The following FILIP1 variants were observed in gnomAD, a reference collection of about 807,000 sequenced individuals.
The protein encoded by FILIP1 is filamin-A-interacting protein 1.
In FILIP1, 61 loss-of-function variants were observed where a neutral mutation model predicts 102.1. That is an observed-to-expected ratio of 0.60 (90% CI 0.49 to 0.74). The LOEUF is 0.74. FILIP1 is among the 30% of genes least tolerant of loss of function. The pLI is 0.00. For synonymous variants in FILIP1, 491 were observed against 526.9 expected (o/e 0.93, Z 0.93); for missense variants, 1,314 against 1,441.2 (o/e 0.91, Z 1.43).
At position 75,451,989 on chromosome 6, in the gene FILIP1, T is replaced by G. The variant is rs141747186; in HGVS notation, c.-6-37011A>C. On this transcript the variant is annotated intron_variant, in intron 1 of 5. Transcript: ENST00000237172. ...CTTCCTGTTAAATAATCCGACCAGT[T>G]GTATAAAGAGGTTTAATATTTGGAT... is the stretch of plus-strand genomic sequence containing the variant. Among the ~76,000 whole-genome samples, 483 of 152,320 alleles carry G rather than the reference T, an allele frequency of 3.2e-3. 4 individuals carry two copies. The highest frequency in any genetic ancestry group is 0.011 in the African/African-American group (455 of 41,572).
chr6:75,435,352 G>A (rs1403067875), intron 1 of FILIP1, among the ~76,000 whole-genome samples: 2 of 152,168 alleles, frequency 1.3e-5, no homozygotes, highest in Non-Finnish European at 2.9e-5. Context: ...TTCTTCAGAA[G>A]ATGATTTTAA....
rs529998158 is a variant in FILIP1, at chr6:75,330,876, T to C, written c.630-15674A>G. Among the ~76,000 whole-genome samples, 4 of 152,290 alleles carry C rather than the reference T, an allele frequency of 2.6e-5. No individual in the cohort carries two copies. In the East Asian group the frequency reaches 7.7e-4, roughly 29 times the overall value. ...TGTTGAAAATTATAAACTAAGGACC[T>C]GCATTATGGACTCTCTGTGGGTTAG... On this transcript the variant is annotated intron_variant, in intron 4 of 5. Transcript: ENST00000237172.
At chr6:75,304,785 A>G (rs1433814741), downstream of FILIP1, among the ~76,000 whole-genome samples, 1 of 152,212 alleles carries the variant, frequency 6.6e-6, no homozygotes, top group Non-Finnish European at 1.5e-5. Flanking sequence ...GTTGGAAGTG[A>G]TGTTCTCCGG....
intron 3 of FILIP1, chr6:75,358,642 G>A (rs1775080160): frequency 6.6e-6 from 1 of 152,194 alleles, no homozygotes; most frequent in Non-Finnish European, 1.5e-5. Flanking sequence ...GACATCTGAA[G>A]CATTATTTGG....
intron 2 of FILIP1, among the ~76,000 whole-genome samples, chr6:75,410,510 T>A (rs2149682868): frequency 6.6e-6 from 1 of 152,194 alleles, no homozygotes; most frequent in African/African-American, 2.4e-5. Flanking sequence ...CAACCCTTCA[T>A]CTACATTAGG....
intron 4 of FILIP1, among the ~76,000 whole-genome samples, chr6:75,347,954 A>G (rs769482971): frequency 2.0e-5 from 3 of 152,158 alleles, no homozygotes; most frequent in Non-Finnish European, 4.4e-5. Context: ...GCAATATTAT[A>G]TGATGATGTA....
intron 2 of FILIP1, among the ~76,000 whole-genome samples, chr6:75,399,818 A>G (rs1202152536): frequency 2.6e-5 from 4 of 152,198 alleles, no homozygotes; most frequent in Admixed American, 1.3e-4. Flanking sequence ...TTGTCATTTC[A>G]TATGTTATTT....
chr6:75,448,657 C>T (rs1021155129), intron 1 of FILIP1, among the ~76,000 whole-genome samples: 1 of 152,076 alleles, frequency 6.6e-6, no homozygotes, highest in African/African-American at 2.4e-5. Context: ...AAACACCAAA[C>T]AATCCCATCA....
At chr6:75,296,062 G>T in intron 6 of FILIP1, 1 of 680,952 alleles carries the variant, frequency 1.5e-6, no homozygotes, top group Non-Finnish European at 2.1e-6. Flanking sequence ...ACAAAAACAG[G>T]TACATGAGGC....
At chr6:75,344,501 G>C (rs1437822970) in intron 4 of FILIP1, among the ~76,000 whole-genome samples, 3 of 152,204 alleles carry the variant, frequency 2.0e-5, no homozygotes, top group Non-Finnish European at 4.4e-5. Context: ...AACTAAAATG[G>C]GGTCAGTTAG....
intron 1 of FILIP1, among the ~76,000 whole-genome samples, chr6:75,462,215 G>T (rs1208508517): frequency 6.6e-6 from 1 of 152,172 alleles, no homozygotes; most frequent in Non-Finnish European, 1.5e-5. Context: ...TCAGAGGTGG[G>T]ATTTTAAATA....
chr6:75,308,124 CATTA>C lies in FILIP1; in HGVS notation c.*563_*566del, dbSNP rs1416051102. ...TCATTTCCATTTTATTACATGTTCACATTATTTCCTGAAATCATCTTAGAACCTT... is the reference window on the plus strand; with the variant it reads ...TCATTTCCATTTTATTACATGTTCACTTTCCTGAAATCATCTTAGAACCTT... On this transcript the variant is annotated 3_prime_UTR_variant, in exon 6 of 6. Transcript: ENST00000237172. The C allele has an allele frequency of 5.0e-5, 49 of 985,828 alleles. No homozygotes were observed. Among genetic ancestry groups the C allele is most frequent in the Non-Finnish European group, 5.8e-5 (48 of 830,026 alleles). The allele number at this position is 985,828 out of a possible 1,614,324, so 61.1% of individuals were successfully genotyped here.
exon 7 of FILIP1, chr6:75,295,286 C>T (rs574463993): frequency 7.2e-5 from 11 of 152,222 alleles, no homozygotes; most frequent in African/African-American, 2.4e-4. Context: ...ACTTTAGAAA[C>T]TGATTTTTAG....
At chr6:75,362,192 C>T (rs1031251978) in intron 3 of FILIP1, among the ~76,000 whole-genome samples, 1 of 152,046 alleles carries the variant, frequency 6.6e-6, no homozygotes, top group Non-Finnish European at 1.5e-5. Context: ...TATGAGTAAT[C>T]GATAATAATA....
intron 4 of FILIP1, 122 bp from the exon 5 acceptor site, chr6:75,315,324 T>G (rs1773406958): frequency 1.6e-6 from 1 of 638,444 alleles, no homozygotes; most frequent in Non-Finnish European, 2.5e-6. Flanking sequence ...ATAATTTCAA[T>G]GTTTAAAGAA....
intron 1 of FILIP1, among the ~76,000 whole-genome samples, chr6:75,488,145 A>G (rs1779846983): frequency 6.6e-6 from 1 of 152,146 alleles, no homozygotes; most frequent in Non-Finnish European, 1.5e-5. Flanking sequence ...CTTTCTTTTG[A>G]TGTCTCAGTG....
chr6:75,319,776 G>A (rs1037908504), intron 4 of FILIP1: 8 of 325,978 alleles, frequency 2.5e-5, no homozygotes, highest in Admixed American at 2.3e-4. Flanking sequence ...CTTGCAGTGA[G>A]CTGAGATTGT....
intron 1 of FILIP1, among the ~76,000 whole-genome samples, chr6:75,477,156 A>G (rs948200126): frequency 2.0e-5 from 3 of 152,188 alleles, no homozygotes; most frequent in African/African-American, 7.2e-5. Context: ...TCTAAGACTG[A>G]CTGAAGCAGA....
At chr6:75,404,408 T>A (rs1264936936) in intron 2 of FILIP1, among the ~76,000 whole-genome samples, 1 of 152,136 alleles carries the variant, frequency 6.6e-6, no homozygotes, top group Non-Finnish European at 1.5e-5. Context: ...TACTTTCTTA[T>A]ACTATTGTCC....
Sources: gnomAD v4.1 joint callset for allele counts (sites outside exome capture counted in the v4.1 genomes callset) on GRCh38, gnomAD v4.1.1 for gene constraint, MANE v1.5 for transcripts, NCBI Gene and HGNC (gene_info 2026-07-23, HGNC 2026-07-21) for gene names.